Variants in NUDT3 observed in about 807,000 individuals in gnomAD.
NUDT3 encodes diphosphoinositol polyphosphate phosphohydrolase 1.
A neutral mutation model predicts 23.6 loss-of-function variants in NUDT3; 9 were observed. The ratio of observed to expected loss-of-function variants is 0.38; its 90% CI spans 0.23 to 0.66. The LOEUF is 0.66. Among genes scored for constraint, NUDT3 ranks in the 30% least tolerant of loss-of-function variants. The pLI is 0.52. For missense variants in NUDT3, 172 were observed against 218.5 expected (o/e 0.79, Z 1.34); for synonymous variants, 86 against 82.6 (o/e 1.04, Z -0.22).
chr6:34,382,298 G>A (rs1444698462), intron 1 of NUDT3, among the ~76,000 whole-genome samples: 4 of 151,924 alleles, frequency 2.6e-5, no homozygotes, highest in African/African-American at 9.7e-5. Context: ...AGCTACTCAG[G>A]AGGCTGAGGT....
chr6:34,377,899 G>A (rs752612215), intron 1 of NUDT3, among the ~76,000 whole-genome samples: 9 of 152,034 alleles, frequency 5.9e-5, no homozygotes, highest in African/African-American at 1.7e-4. Context: ...AAACACTGGC[G>A]TTCAGGCTAC....
At chr6:34,313,042 C>T (rs1372125464) in intron 2 of NUDT3, among the ~76,000 whole-genome samples, 1 of 151,988 alleles carries the variant, frequency 6.6e-6, no homozygotes, top group Non-Finnish European at 1.5e-5. Context: ...TGGCGCACGA[C>T]TACAGGCCTG....
chr6:34,351,199 A>T (rs866067406), intron 1 of NUDT3, among the ~76,000 whole-genome samples: 82 of 73,988 alleles, frequency 1.1e-3, no homozygotes, highest in Admixed American at 1.7e-3. Flanking sequence ...TCCCCTGCCT[A>T]AAAAAAAAAA....
intron 2 of NUDT3, among the ~76,000 whole-genome samples, chr6:34,327,259 G>T (rs187237932): frequency 2.6e-5 from 4 of 151,922 alleles, no homozygotes; most frequent in Non-Finnish European, 5.9e-5. Flanking sequence ...CAGGCCGGGC[G>T]CGGTGGCTCA....
intron 1 of NUDT3, among the ~76,000 whole-genome samples, chr6:34,344,098 A>G (rs2113736547): frequency 6.6e-6 from 1 of 152,346 alleles, no homozygotes; most frequent in Admixed American, 6.5e-5. Flanking sequence ...AGGAATGTAC[A>G]ATGGTTCATT....
chr6:34,374,339 T>C (rs532813511), intron 1 of NUDT3, among the ~76,000 whole-genome samples: 1 of 152,150 alleles, frequency 6.6e-6, no homozygotes, highest in South Asian at 2.1e-4. Flanking sequence ...ATAGATCATG[T>C]CTATGTTTAC....
In NUDT3 at chr6:34,290,401, CTTTTTTTTTTTTT is replaced by C. The variant is rs952499361; in HGVS notation, c.341-1483_341-1471del. On this transcript the variant is annotated intron_variant, in intron 4 of 4. Transcript: ENST00000607016. The stretch of plus-strand genomic sequence containing the variant: ...GCACGTGCCACACCTGCTGCTGCTT[CTTTTTTTTTTTTT>C]TTTTTTTTTGGTATAAATGAGGTCT... Among the ~76,000 whole-genome samples the C allele has an allele frequency of 2.8e-5, 3 of 107,322 alleles. No homozygotes were observed. The South Asian group carries it at 1.0e-3, about 36-fold the overall frequency. 70.4% of individuals were successfully genotyped at this position (107,322 alleles called of 152,430 possible).
At chr6:34,343,484 C>A (rs947264333) in intron 1 of NUDT3, among the ~76,000 whole-genome samples, 1 of 151,156 alleles carries the variant, frequency 6.6e-6, no homozygotes, top group African/African-American at 2.4e-5. Context: ...GAGACTGCAG[C>A]GAGCTATGAT....
intron 2 of NUDT3, among the ~76,000 whole-genome samples, chr6:34,305,114 C>G (rs549346723): frequency 6.6e-6 from 1 of 150,980 alleles, no homozygotes; most frequent in African/African-American, 2.4e-5. Context: ...TCCCTAGTAG[C>G]TGGGACTACA....
At chr6:34,300,656 G>T (rs577892527) in intron 2 of NUDT3, among the ~76,000 whole-genome samples, 1 of 152,230 alleles carries the variant, frequency 6.6e-6, no homozygotes, top group Admixed American at 6.5e-5. Context: ...AAGAAATCTA[G>T]TAAGAAGCTG....
At chr6:34,296,551 G>A (rs1763501860) in intron 2 of NUDT3, among the ~76,000 whole-genome samples, 2 of 152,320 alleles carry the variant, frequency 1.3e-5, no homozygotes, top group East Asian at 1.9e-4. Context: ...TCCAGCCTGG[G>A]TGACAGAGCC....
intron 2 of NUDT3, among the ~76,000 whole-genome samples, chr6:34,308,138 A>T (rs1763711757): frequency 1.5e-5 from 1 of 67,656 alleles, no homozygotes; most frequent in South Asian, 6.7e-4. Flanking sequence ...AAAAAAAAAA[A>T]AAAAAAAAAA....
intron 1 of NUDT3, among the ~76,000 whole-genome samples, chr6:34,383,477 T>A (rs773549563): frequency 1.8e-4 from 28 of 152,078 alleles, no homozygotes; most frequent in Admixed American, 1.4e-3. Context: ...ATCCTAGACA[T>A]CCCCAGCTCA....
At chr6:34,368,590 A>G (rs1278985266) in intron 1 of NUDT3, among the ~76,000 whole-genome samples, 1 of 152,034 alleles carries the variant, frequency 6.6e-6, no homozygotes, top group Non-Finnish European at 1.5e-5. Context: ...GTGGCTCACA[A>G]CCTCCCAGGT....
At chr6:34,305,896 C>T (rs1561901415) in intron 2 of NUDT3, among the ~76,000 whole-genome samples, 1 of 152,102 alleles carries the variant, frequency 6.6e-6, no homozygotes, top group Non-Finnish European at 1.5e-5. Context: ...GTCTATAATA[C>T]TGATGATGCT....
At chr6:34,293,320 C>G (rs2071928) in intron 4 of NUDT3, 131 bp downstream of exon 4, 90,173 of 1,071,004 alleles carry the variant, frequency 0.084, 10,459 homozygotes, top group East Asian at 0.48. Flanking sequence ...TGTTGGCCTT[C>G]CAAAGTACTG....
At chr6:34,378,469 C>A (rs969344331) in intron 1 of NUDT3, among the ~76,000 whole-genome samples, 4 of 152,198 alleles carry the variant, frequency 2.6e-5, no homozygotes, top group Non-Finnish European at 4.4e-5. Flanking sequence ...AGGCAAAGTT[C>A]TTGGTTGCAA....
intron 1 of NUDT3, among the ~76,000 whole-genome samples, chr6:34,354,398 CACA>C (rs1764526547): frequency 7.0e-6 from 1 of 142,000 alleles, no homozygotes; most frequent in Non-Finnish European, 1.5e-5. Flanking sequence ...TCATTAAACA[CACA>C]CACACACACA....
At chr6:34,362,537 A>AT (rs1380476045) in intron 1 of NUDT3, among the ~76,000 whole-genome samples, 1 of 152,064 alleles carries the variant, frequency 6.6e-6, no homozygotes, top group Non-Finnish European at 1.5e-5. Context: ...TAAAGGTTCA[A>AT]TATAAACTCA....
Sources: gnomAD v4.1 joint callset for allele counts (sites outside exome capture counted in the v4.1 genomes callset) on GRCh38, gnomAD v4.1.1 for gene constraint, MANE v1.5 for transcripts, NCBI Gene and HGNC (gene_info 2026-07-23, HGNC 2026-07-21) for gene names.